The following USP6NL variants were observed in gnomAD, a reference collection of about 807,000 sequenced individuals.
USP6NL encodes USP6 N-terminal-like protein.
In USP6NL, 26 loss-of-function variants were observed where a neutral mutation model predicts 61.9. The ratio of observed to expected loss-of-function variants is 0.42; its 90% CI spans 0.31 to 0.58. The LOEUF is 0.58. Ranked by LOEUF, USP6NL falls within the 20% of genes least tolerant of loss-of-function variation. The pLI is 0.16. For missense variants in USP6NL, 1,114 were observed against 1,034.3 expected, an observed-to-expected ratio of 1.08 and a Z score of -1.06; for synonymous variants, 432 against 390.1, an observed-to-expected ratio of 1.11 and a Z score of -1.27.
intron 2 of USP6NL, among the ~76,000 whole-genome samples, chr10:11,558,150 C>G (rs927974236): frequency 6.6e-6 from 1 of 152,122 alleles, no homozygotes; most frequent in African/African-American, 2.4e-5. Context: ...ACAGGTGGTA[C>G]CAAAACAGTG....
chr10:11,509,345 TA>T (rs1251408924), intron 6 of USP6NL, among the ~76,000 whole-genome samples: 1 of 152,196 alleles, frequency 6.6e-6, no homozygotes, highest in Non-Finnish European at 1.5e-5. Context: ...GCAGCTGAAT[TA>T]AATCACTCCT....
chr10:11,504,320 T>C (rs1457287943), intron 6 of USP6NL, among the ~76,000 whole-genome samples: 1 of 128,160 alleles, frequency 7.8e-6, no homozygotes, highest in African/African-American at 2.7e-5. Flanking sequence ...TTGGATGAAA[T>C]TTGCTTATTC....
chr10:11,506,912 T>A (rs1468173943), intron 6 of USP6NL, among the ~76,000 whole-genome samples: 3 of 152,224 alleles, frequency 2.0e-5, no homozygotes, highest in Non-Finnish European at 2.9e-5. Flanking sequence ...GCTAGTTTTT[T>A]TACTTGAATG....
chr10:11,577,285 C>T (rs372955241), intron 2 of USP6NL, among the ~76,000 whole-genome samples: 10 of 151,962 alleles, frequency 6.6e-5, no homozygotes, highest in South Asian at 2.1e-4. Context: ...AGGATGGTCT[C>T]GATCTCCTGA....
At chr10:11,536,233 C>G (rs186900887) in intron 2 of USP6NL, among the ~76,000 whole-genome samples, 4 of 152,326 alleles carry the variant, frequency 2.6e-5, no homozygotes, top group Admixed American at 2.6e-4. Context: ...GTAGGAAGAA[C>G]TGTTCCAGTA....
intron 1 of USP6NL, among the ~76,000 whole-genome samples, chr10:11,607,632 G>C (rs190312284): frequency 6.0e-4 from 91 of 152,278 alleles, no homozygotes; most frequent in African/African-American, 2.2e-3. Context: ...GCTGCAGTGA[G>C]CTGAGACTGC....
intron 2 of USP6NL, among the ~76,000 whole-genome samples, chr10:11,545,640 T>C (rs753441507): frequency 6.6e-6 from 1 of 152,062 alleles, no homozygotes; most frequent in South Asian, 2.1e-4. Flanking sequence ...AAAATATAAA[T>C]ACAAGTAACA....
chr10:11,539,500 T>C (rs1417899122), intron 2 of USP6NL, among the ~76,000 whole-genome samples: 2 of 152,216 alleles, frequency 1.3e-5, no homozygotes, highest in African/African-American at 2.4e-5. Context: ...GGATATGAAG[T>C]GATGTAACAA....
Position 11,462,750 on chromosome 10 carries a change from T to C in USP6NL, c.2178A>G (p.Pro726=). 2 of 1,614,040 alleles carry C rather than the reference T, an allele frequency of 1.2e-6. No individual in the cohort carries two copies. The highest frequency in any genetic ancestry group is 2.2e-5 in the South Asian group (2 of 91,082). ...SPKNGKLIIP[P]VDYLPDNRTW... ...TTCTGTTATCTGGCAAGTAATCCAC[T>C]GGTGGAATGATCAATTTTCCATTCT... is the stretch of plus-strand genomic sequence containing the variant. Residue 726 remains proline, a synonymous_variant, in exon 15 of 15, where the codon CCA becomes CCG. Coordinates refer to ENST00000609104, the MANE Select transcript of USP6NL (RefSeq NM_014688.5).
At chr10:11,502,398 A>T (rs963589900) in intron 6 of USP6NL, among the ~76,000 whole-genome samples, 9 of 152,228 alleles carry the variant, frequency 5.9e-5, no homozygotes, top group Admixed American at 5.2e-4. Context: ...CTAATTACTC[A>T]AAATAACATA....
At chr10:11,603,845 G>A (rs1273418418) in intron 1 of USP6NL, among the ~76,000 whole-genome samples, 2 of 152,270 alleles carry the variant, frequency 1.3e-5, no homozygotes, top group East Asian at 1.9e-4. Context: ...AGTGAAAATC[G>A]GAAAACTTAT....
chr10:11,542,925 T>A (rs1303692899), intron 2 of USP6NL, among the ~76,000 whole-genome samples: 1 of 152,082 alleles, frequency 6.6e-6, no homozygotes, highest in Non-Finnish European at 1.5e-5. Context: ...TTTTTCACAA[T>A]ACTCACCCCT....
At chr10:11,554,546 AG>A (rs1187527920) in intron 2 of USP6NL, among the ~76,000 whole-genome samples, 1 of 152,230 alleles carries the variant, frequency 6.6e-6, no homozygotes, top group African/African-American at 2.4e-5. Context: ...ACTATGCCCT[AG>A]GATCAATGGA....
intron 14 of USP6NL, among the ~76,000 whole-genome samples, chr10:11,473,752 G>A (rs1047571583): frequency 6.6e-6 from 1 of 152,026 alleles, no homozygotes; most frequent in Admixed American, 6.6e-5. Flanking sequence ...AATACTGATC[G>A]CAAACTCCCC....
Position 11,575,732 on chromosome 10 carries a change from T to C in USP6NL, c.4+21899A>G, listed in dbSNP as rs1837515855. Among the ~76,000 whole-genome samples the C allele has an allele frequency of 6.6e-6, 1 of 152,216 alleles. No individual in the cohort carries two copies. On this transcript the variant is annotated intron_variant, in intron 2 of 14. Transcript: ENST00000609104. This position sits in a 1 kb window ranked among gnomAD's most constrained non-coding sequence, Gnocchi z 4.2. The stretch of plus-strand genomic sequence containing the variant: ...GTTTCTCTCATTTTTCATCACACAT[T>C]GCATCAGTAAGAATATCTGATCACA...
intron 2 of USP6NL, among the ~76,000 whole-genome samples, chr10:11,593,615 C>A (rs1375383610): frequency 6.6e-6 from 1 of 152,084 alleles, no homozygotes; most frequent in Non-Finnish European, 1.5e-5. Flanking sequence ...GTACAATCCA[C>A]AATGAAATGC....
rs574379722 is a variant in USP6NL, at chr10:11,574,676, C to T, written c.4+22955G>A. 1.3e-5 allele frequency among the ~76,000 whole-genome samples: 2 copies of T among 152,264 alleles called. No homozygotes were observed. Among genetic ancestry groups the T allele is most frequent in the African/African-American group, 2.4e-5 (1 of 41,538 alleles). On this transcript the variant is annotated intron_variant, in intron 2 of 14. Transcript: ENST00000609104. The surrounding 1 kb of genome is among the most constrained non-coding windows in gnomAD (Gnocchi z 4.3). The stretch of plus-strand genomic sequence containing the variant: ...TCCTCTTACTGTACTGCCAATTTTC[C>T]TCTCCTATTTTTCTTTCCTTCCCAT...
At chr10:11,603,914 T>A (rs1198374304) in intron 1 of USP6NL, among the ~76,000 whole-genome samples, 1 of 152,160 alleles carries the variant, frequency 6.6e-6, no homozygotes, top group African/African-American at 2.4e-5. Context: ...AGGATGTCAA[T>A]AAAACTGGAA....
chr10:11,591,269 A>G lies in USP6NL; in HGVS notation c.4+6362T>C, dbSNP rs1838151358. 6.7e-6 allele frequency among the ~76,000 whole-genome samples: 1 copy of G among 150,204 alleles called. No homozygotes were observed. The highest frequency in any genetic ancestry group is 6.6e-5 in the Admixed American group (1 of 15,056). ...GGAGAGTCTCTTGAAACTATTATAA[A>G]GAAGTCATTTGGAGCACACTGGTTT... is the stretch of plus-strand genomic sequence containing the variant. On this transcript the variant is annotated intron_variant, in intron 2 of 14. Coordinates refer to ENST00000609104, the MANE Select transcript of USP6NL (RefSeq NM_014688.5). The surrounding 1 kb of genome is among the most constrained non-coding windows in gnomAD (Gnocchi z 4.7).
Sources: gnomAD v4.1 joint callset for allele counts (sites outside exome capture counted in the v4.1 genomes callset) on GRCh38, gnomAD v4.1.1 for gene constraint, Gnocchi (gnomAD v3.1) non-coding constraint, MANE v1.5 for transcripts, NCBI Gene and HGNC (gene_info 2026-07-23, HGNC 2026-07-21) for gene names.